Variants in LCN2 observed in about 807,000 individuals in gnomAD.
LCN2 encodes the protein neutrophil gelatinase-associated lipocalin.
Under a neutral mutation model 26.4 loss-of-function variants are expected in LCN2, and 27 were observed. The observed-to-expected ratio is 1.02, with a 90% CI of 0.76 to 1.41. The LOEUF (loss-of-function observed/expected upper bound fraction) is 1.41. Ranked by LOEUF, LCN2 falls within the 40% of genes most tolerant of loss-of-function variation. LCN2 has a pLI of 0.00. For synonymous variants in LCN2, 94 were observed against 98.9 expected, an observed-to-expected ratio of 0.95 and a Z score of 0.30; for missense variants, 224 against 237.6, an observed-to-expected ratio of 0.94 and a Z score of 0.38.
intron 3 of LCN2, 74 bp from the exon 4 acceptor site, chr9:128,151,831 TG>T: frequency 6.3e-7 from 1 of 1,584,384 alleles, no homozygotes; most frequent in Non-Finnish European, 8.6e-7. Context: ...CCCACGTTGA[TG>T]GGCTGGGGAG....
At chr9:128,152,064 T>G (rs1588087003) in intron 4 of LCN2, 39 bp downstream of exon 4, 1 of 1,613,604 alleles carries the variant, frequency 6.2e-7, no homozygotes. Flanking sequence ...TGGCTCCTGA[T>G]CACACTTAGT....
rs1835012439 is a variant in LCN2 at position 128,151,985 on chromosome 9, A to G, written c.435A>G (p.Lys145=). ...AGCATGCTATGGTGTTCTTCAAGAA[A>G]GTTTCTCAAAACAGGGAGTACTTCA... ...YNQHAMVFFK[K]VSQNREYFKI... The change falls in exon 4 of 7, where the codon AAA becomes AAG. Residue 145 remains lysine (K), a synonymous_variant. Transcript: ENST00000277480. The G allele has an allele frequency of 1.2e-6, 2 of 1,614,120 alleles. No homozygotes were observed. The highest frequency in any genetic ancestry group is 1.7e-6 in the Non-Finnish European group (2 of 1,179,996).
At chr9:128,152,403 G>C in intron 5 of LCN2, 119 bp downstream of exon 5, 2 of 854,946 alleles carry the variant, frequency 2.3e-6, no homozygotes, top group Non-Finnish European at 3.7e-6. Flanking sequence ...TGGAGCAGTG[G>C]ATGGTCCAGG....
At chr9:128,151,872 G>A (rs759075809) in intron 3 of LCN2, 34 bp from the exon 4 acceptor site, 3 of 1,613,332 alleles carry the variant, frequency 1.9e-6, no homozygotes, top group Non-Finnish European at 2.5e-6. Flanking sequence ...TCCCATCCAG[G>A]GCAGGGCTGA....
rs1835008283 is a variant in LCN2, at chr9:128,151,720, G to A, written c.355+3G>A. The A allele has an allele frequency of 6.2e-7, 1 of 1,613,668 alleles. No individual in the cohort carries two copies. Among genetic ancestry groups the A allele is most frequent in the Non-Finnish European group, 8.5e-7 (1 of 1,179,588 alleles). On this transcript the variant is annotated splice_donor_region_variant and intron_variant, in intron 3 of 6. Transcript: ENST00000277480. ...GTTCACGCTGGGCAACATTAAGAGT[G>A]AGTCTTGAGTGAGGTGGGGCACTGA...
chr9:128,152,959 T>C (rs768351096), intron 5 of LCN2, 141 bp from the exon 6 acceptor site: 12 of 1,139,008 alleles, frequency 1.1e-5, no homozygotes, highest in Non-Finnish European at 1.6e-5. Context: ...GGAACCCCCA[T>C]ATCTTCTGCA....
chr9:128,151,501 T>C (rs1768602892), intron 2 of LCN2, 137 bp from the exon 3 acceptor site: 2 of 698,102 alleles, frequency 2.9e-6, no homozygotes, highest in Admixed American at 4.3e-5. Flanking sequence ...CTCCAGGTAG[T>C]GGGGGATGAG....
Position 128,153,210 on chromosome 9 carries a change from T to C in LCN2, c.*7+84T>C, listed in dbSNP as rs972192553. On this transcript the variant is annotated intron_variant, in intron 6 of 6. Coordinates refer to ENST00000277480, the MANE Select transcript of LCN2 (RefSeq NM_005564.5). This position sits in a 1 kb window ranked among gnomAD's most constrained non-coding sequence, Gnocchi z 5.4. ...GGGGTCTTGGGCCTGCCTTTGCTCA[T>C]CCCCCTGCCCCCCAGCACTGCTGCT... is the stretch of plus-strand genomic sequence containing the variant. The C allele has an allele frequency of 7.9e-6, 12 of 1,511,900 alleles. No homozygotes were observed. In the Admixed American group the frequency reaches 1.3e-4, roughly 17 times the overall value. 93.7% of individuals were successfully genotyped at this position (1,511,900 alleles called of 1,614,324 possible).
At chr9:128,151,309 T>G in intron 2 of LCN2, 3 of 555,236 alleles carry the variant, frequency 5.4e-6, no homozygotes, top group Admixed American at 3.2e-5. Context: ...AATGCAGGGT[T>G]TCTGTGTGTT....
intron 1 of LCN2, 99 bp from the exon 2 acceptor site, chr9:128,150,139 G>A (rs1834991045): frequency 1.3e-6 from 2 of 1,482,686 alleles, no homozygotes; most frequent in East Asian, 4.6e-5. Flanking sequence ...AGGGGCTCAT[G>A]GTTCCAAGCT....
At position 128,149,670 on chromosome 9, in the gene LCN2, G is replaced by A; in HGVS notation, c.138+7G>A. The A allele has an allele frequency of 6.2e-7, 1 of 1,613,718 alleles. No homozygotes were observed. Among genetic ancestry groups the A allele is most frequent in the Non-Finnish European group, 8.5e-7 (1 of 1,179,932 alleles). On this transcript the variant is annotated splice_region_variant and intron_variant, in intron 1 of 6. Transcript: ENST00000277480. ...GAACTTCCAGGACAACCAAGTAAGG[G>A]GCCAAGAGGGGCACCTGCAGGCAGG... is the stretch of plus-strand genomic sequence containing the variant.
chr9:128,149,583 G>A lies in LCN2; in HGVS notation c.58G>A (p.Ala20Thr), dbSNP rs1366187305. The A allele has an allele frequency of 6.2e-7, 1 of 1,613,996 alleles. No individual in the cohort carries two copies. Among genetic ancestry groups the A allele is most frequent in the Admixed American group, 1.7e-5 (1 of 60,020 alleles). Residue 20 changes from alanine to threonine, a missense_variant, in exon 1 of 7, where the codon GCC becomes ACC. Coordinates refer to ENST00000277480, the MANE Select transcript of LCN2 (RefSeq NM_005564.5). Reference protein sequence around the residue: ...LALLGALHAQAQDSTSDLIPA... With the variant: ...LALLGALHAQTQDSTSDLIPA... ...CCTGTTGGGGGCTCTGCATGCCCAG[G>A]CCCAGGACTCCACCTCAGACCTGAT...
chr9:128,152,833 G>A (rs979864168), intron 5 of LCN2, among the ~76,000 whole-genome samples: 1 of 152,188 alleles, frequency 6.6e-6, no homozygotes, highest in Admixed American at 6.5e-5. Flanking sequence ...ACAGGCAGGA[G>A]ACCTGGGTGC....
intron 2 of LCN2, 26 bp downstream of exon 2, chr9:128,150,400 G>T (rs775202523): frequency 6.2e-7 from 1 of 1,614,080 alleles, no homozygotes; most frequent in Non-Finnish European, 8.5e-7. Context: ...TCCTGGGGGT[G>T]TGAGAGTCAG....
intron 2 of LCN2, chr9:128,150,662 C>T: frequency 1.7e-6 from 1 of 590,814 alleles, no homozygotes. Flanking sequence ...CCACCCAGTG[C>T]CTTCATGGAA....
At chr9:128,151,780 C>A (rs1329536024) in intron 3 of LCN2, 63 bp downstream of exon 3, 2 of 1,579,832 alleles carry the variant, frequency 1.3e-6, no homozygotes. Flanking sequence ...GGGGCACAGA[C>A]CTTCCTGCCC....
intron 2 of LCN2, among the ~76,000 whole-genome samples, chr9:128,151,116 A>C (rs1835002143): frequency 6.6e-6 from 1 of 152,110 alleles, no homozygotes; most frequent in Non-Finnish European, 1.5e-5. Context: ...GGAGCAGAAT[A>C]CAGACAGGTT....
At position 128,151,891 on chromosome 9, in the gene LCN2, C is replaced by G. The variant is rs11794980; in HGVS notation, c.356-15C>G. 0.6 allele frequency: 972,721 copies of G among 1,613,372 alleles called. 302,561 individuals are homozygous for G. Among genetic ancestry groups the G allele is most frequent in the Admixed American group, 0.71 (42,684 of 59,994 alleles). On this transcript the variant is annotated splice_polypyrimidine_tract_variant and intron_variant, in intron 3 of 6. Coordinates refer to ENST00000277480, the MANE Select transcript of LCN2 (RefSeq NM_005564.5). ...ATCCAGGGCAGGGCTGACCCCTCAC[C>G]GTCCACGCCTGCAGGTTACCCTGGA...
Position 128,150,353 on chromosome 9 carries a change from A to G in LCN2, c.254A>G (p.Asn85Ser). The G allele has an allele frequency of 6.2e-7, 1 of 1,614,094 alleles. No homozygotes were observed. Among genetic ancestry groups the G allele is most frequent in the Non-Finnish European group, 8.5e-7 (1 of 1,179,996 alleles). The change falls in exon 2 of 7, where the codon AAT (asparagine) becomes AGT (serine). Residue 85 changes from asparagine (N) to serine (S), a missense_variant. Coordinates refer to ENST00000277480, the MANE Select transcript of LCN2 (RefSeq NM_005564.5). ...IYELKEDKSY[N>S]VTSVLFRKKK... ...GAGCTGAAAGAAGACAAGAGCTACAATGTCACCTCCGTCCTGTTTAGGTGA... is the reference window on the plus strand; with the variant it reads ...GAGCTGAAAGAAGACAAGAGCTACAGTGTCACCTCCGTCCTGTTTAGGTGA...
Sources: gnomAD v4.1 joint callset for allele counts (sites outside exome capture counted in the v4.1 genomes callset) on GRCh38, gnomAD v4.1.1 for gene constraint, Gnocchi (gnomAD v3.1) non-coding constraint, MANE v1.5 for transcripts, NCBI Gene and HGNC (gene_info 2026-07-23, HGNC 2026-07-21) for gene names.